Variants in ANAPC1 observed in about 807,000 individuals in gnomAD.
ANAPC1 encodes anaphase-promoting complex subunit 1.
Under a neutral mutation model 208.0 loss-of-function variants are expected in ANAPC1, and 36 were observed. The ratio of observed to expected loss-of-function variants is 0.17; its 90% CI spans 0.13 to 0.23. The LOEUF (loss-of-function observed/expected upper bound fraction) is 0.23, where lower values mean the gene tolerates loss of function less well. Ranked by LOEUF, ANAPC1 falls within the 10% of genes least tolerant of loss-of-function variation. The pLI, the probability that ANAPC1 is intolerant of heterozygous loss-of-function variation, is 1.00. For synonymous variants in ANAPC1, 378 were observed against 695.2 expected (o/e 0.54, Z 7.18); for missense variants, 942 against 2,011.6 (o/e 0.47, Z 10.17).
chr2:111,851,921 A>G lies in ANAPC1; in HGVS notation c.1516-1011T>C, dbSNP rs187523406. ...CACATCTGTACAAGCTGAAAACTTG[A>G]TAAGACTAAAAAGGAGATGCTCAGA... On this transcript the variant is annotated intron_variant, in intron 13 of 47. Transcript: ENST00000341068. Among the ~76,000 whole-genome samples the G allele has an allele frequency of 8.5e-5, 13 of 152,308 alleles. 1 individual carries two copies. The highest frequency in any genetic ancestry group is 8.3e-4 in the South Asian group (4 of 4,826).
intron 37 of ANAPC1, among the ~76,000 whole-genome samples, chr2:111,793,720 CA>C (rs1298694129): frequency 1.0e-5 from 1 of 98,032 alleles, no homozygotes; most frequent in African/African-American, 3.9e-5. Context: ...ATCAGAGAAG[CA>C]ATGCCTCAAA....
intron 44 of ANAPC1, chr2:111,779,853 A>G (rs1462346717): frequency 3.4e-5 from 8 of 234,322 alleles, no homozygotes; most frequent in Non-Finnish European, 6.7e-5. Flanking sequence ...CTCAAAAAAC[A>G]AAAAACAAAA....
chr2:111,766,260 TTTTA>T (rs1485868932), downstream of ANAPC1: 12 of 152,142 alleles, frequency 7.9e-5, no homozygotes, highest in African/African-American at 2.2e-4. Flanking sequence ...TGTAGAGGCT[TTTTA>T]TTTAAATTTT....
At chr2:111,840,435 ATTCC>A (rs1680700414) in intron 17 of ANAPC1, among the ~76,000 whole-genome samples, 1 of 152,218 alleles carries the variant, frequency 6.6e-6, no homozygotes, top group Admixed American at 6.5e-5. Context: ...TGATTTCCTT[ATTCC>A]TTCCTTTATA....
intron 26 of ANAPC1, 93 bp downstream of exon 26, chr2:111,821,146 A>C: frequency 7.0e-7 from 1 of 1,434,624 alleles, no homozygotes; most frequent in Non-Finnish European, 9.7e-7. Flanking sequence ...TTAGGGTTTT[A>C]AATGCTAAAA....
At position 111,878,714 on chromosome 2, in the gene ANAPC1, T is replaced by C. The variant is rs1286533079; in HGVS notation, c.375+96A>G. 4 of 1,527,224 alleles carry C rather than the reference T, an allele frequency of 2.6e-6. No homozygotes were observed. In the African/African-American group the frequency reaches 4.2e-5, roughly 16 times the overall value. 94.6% of individuals were successfully genotyped at this position (1,527,224 alleles called of 1,614,324 possible). ...ACGTACACCCAGCTGCTGAGATCAT[T>C]AGGCTGGTTTTATCATTTCTGTTAA... On this transcript the variant is annotated intron_variant, in intron 3 of 47. Transcript: ENST00000341068.
chr2:111,857,936 A>T lies in ANAPC1; in HGVS notation c.1358+370T>A, dbSNP rs183489823. On this transcript the variant is annotated intron_variant, in intron 11 of 47. Coordinates refer to ENST00000341068, the MANE Select transcript of ANAPC1 (RefSeq NM_022662.4). Reference sequence around the variant, plus strand: ...AAAAACATCACGCTAAGTGAAAGCTAAACACAAAAAGGTACACTGTGTGTA... The same window carrying T: ...AAAAACATCACGCTAAGTGAAAGCTTAACACAAAAAGGTACACTGTGTGTA... Among the ~76,000 whole-genome samples the T allele has an allele frequency of 5.1e-3, 763 of 149,988 alleles. 3 individuals carry two copies. The highest frequency in any genetic ancestry group is 7.5e-3 in the Non-Finnish European group (506 of 67,576).
chr2:111,870,082 G>A (rs927159526), intron 6 of ANAPC1, among the ~76,000 whole-genome samples: 5 of 152,292 alleles, frequency 3.3e-5, no homozygotes, highest in African/African-American at 1.2e-4. Flanking sequence ...AGTATTCCAT[G>A]GTGTATATAT....
At chr2:111,858,966 G>A (rs1273003315) in intron 10 of ANAPC1, among the ~76,000 whole-genome samples, 2 of 152,088 alleles carry the variant, frequency 1.3e-5, no homozygotes, top group African/African-American at 2.4e-5. Context: ...AATTACTGAT[G>A]AACTTTTAAA....
At chr2:111,878,584 C>T (rs1233170179) in intron 3 of ANAPC1, among the ~76,000 whole-genome samples, 1 of 151,844 alleles carries the variant, frequency 6.6e-6, no homozygotes, top group Non-Finnish European at 1.5e-5. Context: ...TTAAAGATTA[C>T]CATTAAAGTG....
At chr2:111,846,557 ATATTTTTTTTTTT>A (rs1681091352) in intron 16 of ANAPC1, among the ~76,000 whole-genome samples, 2 of 53,012 alleles carry the variant, frequency 3.8e-5, no homozygotes, top group African/African-American at 1.6e-4. Flanking sequence ...ATATATATAT[ATATTTTTTTTTTT>A]TTTTTTTTTT....
intron 2 of ANAPC1, among the ~76,000 whole-genome samples, chr2:111,879,441 G>A (rs907422761): frequency 3.3e-5 from 5 of 152,112 alleles, no homozygotes; most frequent in Non-Finnish European, 5.9e-5. Context: ...ATGAATGGAA[G>A]AAAGAGAAGT....
At position 111,848,776 on chromosome 2, in the gene ANAPC1, C is replaced by CA. The variant is rs373488904; in HGVS notation, c.1651-912dup. 8.8e-3 allele frequency among the ~76,000 whole-genome samples: 881 copies of CA among 99,840 alleles called. 5 individuals are homozygous for CA. Among genetic ancestry groups the CA allele is most frequent in the African/African-American group, 0.025 (692 of 27,306 alleles). 65.5% of individuals were successfully genotyped at this position (99,840 alleles called of 152,430 possible). A position where few individuals can be genotyped will look rare whatever the true frequency, so the allele number is the denominator to read the frequency against. On this transcript the variant is annotated intron_variant, in intron 14 of 47. Coordinates refer to ENST00000341068, the MANE Select transcript of ANAPC1 (RefSeq NM_022662.4). ...TAGATGACAGGGCAAGACTCCATCT[C>CA]AAAAAAAAAAAAAAGACTAAACTGT... is the stretch of plus-strand genomic sequence containing the variant.
At chr2:111,871,717 A>G (rs1269778048) in intron 6 of ANAPC1, among the ~76,000 whole-genome samples, 1 of 152,122 alleles carries the variant, frequency 6.6e-6, no homozygotes, top group African/African-American at 2.4e-5. Flanking sequence ...ATGCCACTGC[A>G]CTCCAGACTG....
intron 17 of ANAPC1, among the ~76,000 whole-genome samples, chr2:111,840,648 T>C (rs995571791): frequency 1.3e-5 from 2 of 152,328 alleles, no homozygotes; most frequent in South Asian, 2.1e-4. Flanking sequence ...GACGCGTTTT[T>C]TCATAATGTA....
At position 111,847,209 on chromosome 2, in the gene ANAPC1, A is replaced by G. The variant is rs775043742; in HGVS notation, c.1792-11T>C. On this transcript the variant is annotated splice_polypyrimidine_tract_variant and intron_variant, in intron 15 of 47. Coordinates refer to ENST00000341068, the MANE Select transcript of ANAPC1 (RefSeq NM_022662.4). ...GCCATTACTCAGTTCCTAGATGGAA[A>G]CAAATGAGAAAGTAGATAAAATCTG... 4.0e-5 allele frequency: 64 copies of G among 1,604,472 alleles called. No homozygotes were observed. Among genetic ancestry groups the G allele is most frequent in the Non-Finnish European group, 5.2e-5 (61 of 1,174,870 alleles).
chr2:111,834,204 T>C (rs1169320432), intron 19 of ANAPC1, among the ~76,000 whole-genome samples: 1 of 152,212 alleles, frequency 6.6e-6, no homozygotes, highest in East Asian at 1.9e-4. Context: ...ACAGGAAACT[T>C]ACCTTGTTTG....
intron 41 of ANAPC1, 110 bp downstream of exon 41, chr2:111,784,213 T>C (rs1308667306): frequency 6.5e-7 from 1 of 1,539,158 alleles, no homozygotes; most frequent in Non-Finnish European, 9.0e-7. Flanking sequence ...AGCTTTCTTA[T>C]CTGCTACAAT....
At chr2:111,787,855 C>T (rs1382208846) in intron 39 of ANAPC1, among the ~76,000 whole-genome samples, 2 of 142,320 alleles carry the variant, frequency 1.4e-5, no homozygotes, top group Non-Finnish European at 3.1e-5. Flanking sequence ...CAGACATTGC[C>T]ACTAAATCAG....
Sources: allele counts gnomAD v4.1 joint callset (sites outside exome capture counted in the v4.1 genomes callset), GRCh38; gene constraint gnomAD v4.1.1; transcripts MANE v1.5; gene names NCBI Gene and HGNC (gene_info 2026-07-23, HGNC 2026-07-21).